The following TBC1D1 variants were observed in gnomAD, a reference collection of about 807,000 sequenced individuals.
The protein encoded by TBC1D1 is TBC1 domain family member 1.
TBC1D1 carries 89 observed loss-of-function variants against 125.6 expected under a neutral mutation model. The observed-to-expected ratio is 0.71, with a 90% CI of 0.60 to 0.85. TBC1D1 has a LOEUF of 0.85. Among genes scored for constraint, TBC1D1 ranks in the 40% least tolerant of loss-of-function variants. The pLI is 0.00. For synonymous variants in TBC1D1, 565 were observed against 564.1 expected, an observed-to-expected ratio of 1.00 and a Z score of -0.02; for missense variants, 1,377 against 1,469.2, an observed-to-expected ratio of 0.94 and a Z score of 1.03.
At chr4:37,922,296 C>T (rs143493924) in intron 2 of TBC1D1, among the ~76,000 whole-genome samples, 177 of 152,300 alleles carry the variant, frequency 1.2e-3, no homozygotes, top group Middle Eastern at 3.4e-3. Flanking sequence ...TAATTCAACC[C>T]GTCCTATTGA....
At position 37,904,849 on chromosome 4, in the gene TBC1D1, C is replaced by T. The variant is rs115895414; in HGVS notation, c.417+2337C>T. ...ATCACACTGGCCATGATGCTAACAG[C>T]GTGATAGATTTTCTGTTCTTGGGAC... On this transcript the variant is annotated intron_variant, in intron 2 of 19. Coordinates refer to ENST00000261439, the MANE Select transcript of TBC1D1 (RefSeq NM_015173.4). Among the ~76,000 whole-genome samples the T allele has an allele frequency of 4.6e-3, 695 of 152,300 alleles. 5 individuals are homozygous for T. The highest frequency in any genetic ancestry group is 0.015 in the African/African-American group (636 of 41,572).
Position 38,054,189 on chromosome 4 carries a change from A to G in TBC1D1, c.1911-10A>G, listed in dbSNP as rs770874319. 2 of 1,613,682 alleles carry G rather than the reference A, an allele frequency of 1.2e-6. No homozygotes were observed. The highest frequency in any genetic ancestry group is 1.1e-5 in the South Asian group (1 of 91,070). On this transcript the variant is annotated splice_polypyrimidine_tract_variant and intron_variant, in intron 11 of 19. Transcript: ENST00000261439. The stretch of plus-strand genomic sequence containing the variant: ...CCACTAGTCATAAATCAATCATCTT[A>G]TAATTTTAGGGACTTTGAATCCAAA...
intron 4 of TBC1D1, among the ~76,000 whole-genome samples, chr4:38,019,249 T>C (rs1743484371): frequency 6.6e-6 from 1 of 152,144 alleles, no homozygotes; most frequent in South Asian, 2.1e-4. Context: ...TATAATGTGA[T>C]CTACTTAAAT....
chr4:38,050,092 T>C (rs1297581447), intron 11 of TBC1D1, among the ~76,000 whole-genome samples, 194 bp downstream of exon 11: 1 of 152,176 alleles, frequency 6.6e-6, no homozygotes, highest in East Asian at 1.9e-4. Flanking sequence ...ACTTGTATTG[T>C]CAGGAAGCAA....
intron 17 of TBC1D1, among the ~76,000 whole-genome samples, chr4:38,120,774 C>A (rs967300956): frequency 6.6e-6 from 1 of 152,182 alleles, no homozygotes; most frequent in African/African-American, 2.4e-5. Context: ...AGCTTGAGTA[C>A]AGCAGGGCCC....
rs535326907 is a variant in TBC1D1 at position 38,026,448 on chromosome 4, G to A, written c.1211-1340G>A. Reference sequence around the variant, plus strand: ...CAGCAAATCCATCTGTAAAATGAAGGCATGGTTTCCAAGTCCCTGGCTCAG... The same window carrying A: ...CAGCAAATCCATCTGTAAAATGAAGACATGGTTTCCAAGTCCCTGGCTCAG... On this transcript the variant is annotated intron_variant, in intron 6 of 19. Transcript: ENST00000261439. Among the ~76,000 whole-genome samples, 16 of 152,276 alleles carry A rather than the reference G, an allele frequency of 1.1e-4. No homozygotes were observed. The South Asian group carries it at 3.3e-3, about 32-fold the overall frequency.
At chr4:37,998,698 T>C (rs2152401315) in intron 2 of TBC1D1, among the ~76,000 whole-genome samples, 1 of 152,326 alleles carries the variant, frequency 6.6e-6, no homozygotes, top group East Asian at 1.9e-4. Context: ...ATAGTCTGCC[T>C]TCTGTAAAAC....
chr4:37,906,470 A>T (rs894288589), intron 2 of TBC1D1, among the ~76,000 whole-genome samples: 6 of 152,318 alleles, frequency 3.9e-5, no homozygotes, highest in Middle Eastern at 3.4e-3. Flanking sequence ...AAAATGAGTT[A>T]TACATTTGTA....
intron 2 of TBC1D1, among the ~76,000 whole-genome samples, chr4:37,988,985 G>A (rs1008092601): frequency 6.6e-6 from 1 of 152,160 alleles, no homozygotes; most frequent in Admixed American, 6.5e-5. Flanking sequence ...TGACATAGCA[G>A]GCCCTGAAAG....
intron 6 of TBC1D1, among the ~76,000 whole-genome samples, chr4:38,027,471 A>G (rs1321382489): frequency 2.0e-5 from 3 of 152,138 alleles, no homozygotes; most frequent in Non-Finnish European, 4.4e-5. Context: ...TAGACTAAAA[A>G]TACAAAAATT....
chr4:37,917,994 T>C (rs1329465379), intron 2 of TBC1D1, among the ~76,000 whole-genome samples: 2 of 152,188 alleles, frequency 1.3e-5, no homozygotes, highest in Non-Finnish European at 2.9e-5. Flanking sequence ...TTAGAGCCCA[T>C]AGTTGCCCTG....
At chr4:38,066,362 T>C (rs1346978851) in intron 12 of TBC1D1, among the ~76,000 whole-genome samples, 1 of 151,946 alleles carries the variant, frequency 6.6e-6, no homozygotes, top group African/African-American at 2.4e-5. Flanking sequence ...AGGGTCTTGC[T>C]CTGTCACCCA....
At chr4:37,895,111 G>A (rs1026817796) in intron 1 of TBC1D1, among the ~76,000 whole-genome samples, 5 of 152,176 alleles carry the variant, frequency 3.3e-5, no homozygotes, top group Non-Finnish European at 5.9e-5. Flanking sequence ...TTCAAATCCC[G>A]ATTCTGCCAC....
intron 2 of TBC1D1, among the ~76,000 whole-genome samples, chr4:37,971,104 G>A (rs1314686707): frequency 1.3e-5 from 2 of 152,118 alleles, no homozygotes; most frequent in African/African-American, 4.8e-5. Context: ...GCTTAGTAGG[G>A]AAGCAACTCT....
In TBC1D1 at chr4:37,991,227, G is replaced by A. The variant is rs1007326020; in HGVS notation, c.418-23282G>A. Among the ~76,000 whole-genome samples, 4 of 151,952 alleles carry A rather than the reference G, an allele frequency of 2.6e-5. No individual in the cohort carries two copies. In the South Asian group the frequency reaches 6.3e-4, roughly 24 times the overall value. ...CACGGTTAATTTTGATCAGGGATAA[G>A]TAGAACTGACTATACACTGTTAACT... On this transcript the variant is annotated intron_variant, in intron 2 of 19. Transcript: ENST00000261439.
chr4:38,013,939 T>C (rs1742056078), intron 2 of TBC1D1, among the ~76,000 whole-genome samples: 1 of 152,228 alleles, frequency 6.6e-6, no homozygotes, highest in South Asian at 2.1e-4. Context: ...TGAGTTGTCA[T>C]GGAAGGAAAT....
At chr4:37,948,491 G>T (rs1017952787) in intron 2 of TBC1D1, among the ~76,000 whole-genome samples, 1 of 152,094 alleles carries the variant, frequency 6.6e-6, no homozygotes, top group African/African-American at 2.4e-5. Flanking sequence ...GCTGAGCGTG[G>T]TGGCGCATGC....
intron 7 of TBC1D1, among the ~76,000 whole-genome samples, chr4:38,032,650 C>T (rs139263748): frequency 3.3e-5 from 5 of 152,042 alleles, no homozygotes; most frequent in East Asian, 1.9e-4. Context: ...CTGGCTAACA[C>T]GGTGAAACCC....
intron 14 of TBC1D1, among the ~76,000 whole-genome samples, chr4:38,102,087 C>T (rs1281951614): frequency 1.8e-5 from 2 of 112,710 alleles, no homozygotes; most frequent in Admixed American, 1.3e-4. Context: ...ACACTGGGGC[C>T]TATCGTGGGG....
Sources: gnomAD v4.1 joint callset for allele counts (sites outside exome capture counted in the v4.1 genomes callset) on GRCh38, gnomAD v4.1.1 for gene constraint, MANE v1.5 for transcripts, NCBI Gene and HGNC (gene_info 2026-07-23, HGNC 2026-07-21) for gene names.